The following AGO2 variants were observed in gnomAD, a reference collection of about 807,000 sequenced individuals.
AGO2 encodes argonaute RISC catalytic component 2.
AGO2 carries 5 observed loss-of-function variants against 102.3 expected under a neutral mutation model. The ratio of observed to expected loss-of-function variants is 0.05; its 90% CI spans 0.03 to 0.10. AGO2 has a LOEUF of 0.10. AGO2 is among the 10% of genes least tolerant of loss of function. The probability of loss-of-function intolerance (pLI) is 1.00; values close to 1 mark genes in which losing one functional copy is unlikely to be tolerated. For synonymous variants in AGO2, 449 were observed against 473.1 expected, an observed-to-expected ratio of 0.95 and a Z score of 0.66; for missense variants, 541 against 1,183.7, an observed-to-expected ratio of 0.46 and a Z score of 7.97.
At chr8:140,562,696 C>T (rs1313951580) in intron 3 of AGO2, 62 bp from the exon 4 acceptor site, 2 of 1,560,262 alleles carry the variant, frequency 1.3e-6, no homozygotes, top group Non-Finnish European at 8.7e-7. Flanking sequence ...AGGACGCAGC[C>T]TGGCAGTGGT....
intron 17 of AGO2, 57 bp downstream of exon 17, chr8:140,535,411 G>T (rs943697016): frequency 1.3e-6 from 2 of 1,558,568 alleles, no homozygotes; most frequent in Non-Finnish European, 1.8e-6. Flanking sequence ...TTTGCTGAAT[G>T]TGGGGATGAC....
In AGO2 at chr8:140,539,483, C is replaced by T. The variant is rs771972360; in HGVS notation, c.2035-29G>A. 1.4e-5 allele frequency: 22 copies of T among 1,595,082 alleles called. No individual in the cohort carries two copies. Among genetic ancestry groups the T allele is most frequent in the Middle Eastern group, 1.7e-4 (1 of 5,976 alleles). On this transcript the variant is annotated intron_variant, in intron 15 of 18. Transcript: ENST00000220592. This position sits in a 1 kb window ranked among gnomAD's most constrained non-coding sequence, Gnocchi z 4.7. Reference sequence around the variant, plus strand: ...GGGGTACGGGAGGGAGGAGGTTGTGCTTAAAGATGGTAGTGCATGTGAGCA... The same window carrying T: ...GGGGTACGGGAGGGAGGAGGTTGTGTTTAAAGATGGTAGTGCATGTGAGCA...
chr8:140,626,265 G>A (rs949757771), intron 1 of AGO2, among the ~76,000 whole-genome samples: 27 of 152,198 alleles, frequency 1.8e-4, no homozygotes, highest in African/African-American at 6.0e-4. Context: ...TCCCTGGCCC[G>A]AGCCTCTCAA....
intron 1 of AGO2, among the ~76,000 whole-genome samples, chr8:140,619,138 C>A (rs923302206): frequency 1.3e-5 from 2 of 152,072 alleles, no homozygotes; most frequent in African/African-American, 4.8e-5. Context: ...AAGGAGGAGG[C>A]CCCTGGCCCT....
chr8:140,616,315 C>T (rs980798483), intron 1 of AGO2, among the ~76,000 whole-genome samples: 6 of 152,312 alleles, frequency 3.9e-5, no homozygotes, highest in East Asian at 1.9e-4. Flanking sequence ...CAGCCATTAT[C>T]GCAACAGCGA....
chr8:140,558,705 G>T, intron 6 of AGO2, 133 bp from the exon 7 acceptor site: 1 of 922,098 alleles, frequency 1.1e-6, no homozygotes, highest in Non-Finnish European at 1.7e-6. Flanking sequence ...CTCCCCTAGG[G>T]AGGGTGACCC....
At chr8:140,590,647 C>A (rs999341739) in intron 1 of AGO2, among the ~76,000 whole-genome samples, 3 of 152,196 alleles carry the variant, frequency 2.0e-5, no homozygotes, top group Non-Finnish European at 4.4e-5. Flanking sequence ...CTGCCTCTAG[C>A]CAGAGCTCTG....
At position 140,540,038 on chromosome 8, in the gene AGO2, C is replaced by T. The variant is rs550139277; in HGVS notation, c.2035-584G>A. Among the ~76,000 whole-genome samples, 2 of 152,140 alleles carry T rather than the reference C, an allele frequency of 1.3e-5. No homozygotes were observed. The highest frequency in any genetic ancestry group is 4.2e-4 in the South Asian group (2 of 4,816). ...CCGGGAGGTGGAGGTTGCAGTGAGC[C>T]GAGATCCTGCCACTGCACTCCAGAC... On this transcript the variant is annotated intron_variant, in intron 15 of 18. Transcript: ENST00000220592. This position sits in a 1 kb window ranked among gnomAD's most constrained non-coding sequence, Gnocchi z 5.0.
chr8:140,573,987 C>A (rs376166518), intron 2 of AGO2, among the ~76,000 whole-genome samples: 59 of 152,320 alleles, frequency 3.9e-4, no homozygotes, highest in African/African-American at 1.4e-3. Context: ...CTTGCAGAGC[C>A]ATGGTATGAG....
rs2072791687 is a variant in AGO2, at chr8:140,541,247, T to C, written c.1951A>G (p.Ile651Val). The change falls in exon 15 of 19, where the codon ATC becomes GTC. Residue 651 changes from isoleucine (I) to valine (V), a missense_variant. By Grantham distance (29) the Ile-to-Val change is conservative. Coordinates refer to ENST00000220592, the MANE Select transcript of AGO2 (RefSeq NM_012154.5). Reference protein sequence around the residue: ...DLAAMVRELLIQFYKSTRFKP... With the variant: ...DLAAMVRELLVQFYKSTRFKP... ...AAGCGCGTGGACTTGTAGAACTGGA[T>C]GAGGAGCTCGCGGACCATGGCGGCC... is the stretch of plus-strand genomic sequence containing the variant. 4.3e-6 allele frequency: 7 copies of C among 1,612,414 alleles called. No individual in the cohort carries two copies. The highest frequency in any genetic ancestry group is 5.9e-6 in the Non-Finnish European group (7 of 1,179,390).
At chr8:140,553,309 G>A (rs190492686) in intron 10 of AGO2, among the ~76,000 whole-genome samples, 27 of 152,222 alleles carry the variant, frequency 1.8e-4, no homozygotes, top group African/African-American at 5.8e-4. Flanking sequence ...GCTTGAGCCC[G>A]GAAGGTCAGG....
rs1299074471 is a variant in AGO2, at chr8:140,610,044, A to G, written c.23-24733T>C. Among the ~76,000 whole-genome samples the G allele has an allele frequency of 2.0e-5, 3 of 150,346 alleles. No individual in the cohort carries two copies. In the South Asian group the frequency reaches 6.3e-4, roughly 31 times the overall value. On this transcript the variant is annotated intron_variant, in intron 1 of 18. Coordinates refer to ENST00000220592, the MANE Select transcript of AGO2 (RefSeq NM_012154.5). ...CCTTGACTCTAAAAAAAAAAAAAAA[A>G]AAAAAAAAAGAAAAGCCAGGTATGG...
chr8:140,522,302 C>T lies in AGO2; in HGVS notation c.*9742G>A, dbSNP rs990236129. 2 of 152,026 alleles carry T rather than the reference C, an allele frequency of 1.3e-5. No homozygotes were observed. The highest frequency in any genetic ancestry group is 4.8e-5 in the African/African-American group (2 of 41,378). The allele number at this position is 152,026 out of a possible 1,614,324, so 9.4% of individuals were successfully genotyped here. A position where few individuals can be genotyped will look rare whatever the true frequency, so the allele number is the denominator to read the frequency against. On this transcript the variant is annotated 3_prime_UTR_variant, in exon 19 of 19. Coordinates refer to ENST00000220592, the MANE Select transcript of AGO2 (RefSeq NM_012154.5). ...ATTTGACAGACTTAGTAATAGCACC[C>T]AACTGTTTAACTGAGGTAGATCCAC...
intron 1 of AGO2, among the ~76,000 whole-genome samples, chr8:140,630,800 T>A (rs1160274210): frequency 6.6e-6 from 1 of 152,236 alleles, no homozygotes; most frequent in Non-Finnish European, 1.5e-5. Flanking sequence ...ACAAAAAGGA[T>A]TCTGCTGCAA....
intron 1 of AGO2, among the ~76,000 whole-genome samples, chr8:140,597,536 C>A (rs1486239115): frequency 7.2e-6 from 1 of 139,342 alleles, no homozygotes; most frequent in Non-Finnish European, 1.5e-5. Context: ...GGGGGATGGC[C>A]TCCTGGCTTC....
chr8:140,539,021 T>C lies in AGO2; in HGVS notation c.2169+299A>G, dbSNP rs2072746812. ...GGGAGGCTGACGTGGGAAGATCACT[T>C]GAGCCCAGGAGATAGAGGCTGCAGT... On this transcript the variant is annotated intron_variant, in intron 16 of 18. Coordinates refer to ENST00000220592, the MANE Select transcript of AGO2 (RefSeq NM_012154.5). The surrounding 1 kb of genome is among the most constrained non-coding windows in gnomAD (Gnocchi z 4.7). Among the ~76,000 whole-genome samples, 1 of 152,146 alleles carries C rather than the reference T, an allele frequency of 6.6e-6. No homozygotes were observed. The highest frequency in any genetic ancestry group is 2.4e-5 in the African/African-American group (1 of 41,408).
At chr8:140,542,161 A>G (rs540571395) in intron 14 of AGO2, among the ~76,000 whole-genome samples, 11 of 152,286 alleles carry the variant, frequency 7.2e-5, no homozygotes, top group African/African-American at 2.6e-4. Context: ...GGGCCAAGGG[A>G]GCGTGAGGGA....
At chr8:140,580,663 C>CG (rs370097136) in intron 2 of AGO2, among the ~76,000 whole-genome samples, 2 of 152,082 alleles carry the variant, frequency 1.3e-5, no homozygotes, top group African/African-American at 2.4e-5. Flanking sequence ...GATGTGTGAG[C>CG]GGGGGGTCTC....
At chr8:140,547,356 G>A (rs2132897666) in intron 13 of AGO2, 112 bp downstream of exon 13, 2 of 1,331,450 alleles carry the variant, frequency 1.5e-6, no homozygotes, top group Non-Finnish European at 2.1e-6. Flanking sequence ...GGACGGTGCT[G>A]GGCCCAGGTG....
Sources: gnomAD v4.1 joint callset for allele counts (sites outside exome capture counted in the v4.1 genomes callset) on GRCh38, gnomAD v4.1.1 for gene constraint, Gnocchi (gnomAD v3.1) non-coding constraint, MANE v1.5 for transcripts, NCBI Gene and HGNC (gene_info 2026-07-23, HGNC 2026-07-21) for gene names.